PPM1H: variants seen among roughly 807,000 people sequenced by gnomAD.
PPM1H encodes the protein protein phosphatase, Mg2+/Mn2+ dependent 1H.
PPM1H carries 27 observed loss-of-function variants against 54.9 expected under a neutral mutation model. That is an observed-to-expected ratio of 0.49 (90% CI 0.36 to 0.68). The LOEUF (loss-of-function observed/expected upper bound fraction) is 0.68. Ranked by LOEUF, PPM1H falls within the 30% of genes least tolerant of loss-of-function variation. The pLI, the probability that PPM1H is intolerant of heterozygous loss-of-function variation, is 0.00. For synonymous variants in PPM1H, 305 were observed against 270.8 expected (o/e 1.13, Z -1.24); for missense variants, 596 against 667.8 (o/e 0.89, Z 1.19).
At chr12:62,723,086 G>A (rs149228973) in intron 5 of PPM1H, among the ~76,000 whole-genome samples, 132 of 152,252 alleles carry the variant, frequency 8.7e-4, no homozygotes, top group African/African-American at 3.0e-3. Flanking sequence ...CTACAGTTGG[G>A]CAAAATCATC....
chr12:62,809,860 T>TG (rs2120773413), intron 2 of PPM1H, among the ~76,000 whole-genome samples: 2 of 152,330 alleles, frequency 1.3e-5, no homozygotes, highest in African/African-American at 4.8e-5. Flanking sequence ...CAGTGACCTC[T>TG]GGAACTATGA....
At chr12:62,702,255 G>T (rs74519445) in intron 6 of PPM1H, among the ~76,000 whole-genome samples, 2 of 151,940 alleles carry the variant, frequency 1.3e-5, no homozygotes, top group African/African-American at 2.4e-5. Context: ...TGATTCTCTC[G>T]TCTATTCCTT....
intron 4 of PPM1H, among the ~76,000 whole-genome samples, chr12:62,746,309 G>A (rs1420230565): frequency 1.3e-5 from 2 of 152,208 alleles, no homozygotes; most frequent in Admixed American, 1.3e-4. Context: ...GAACTGACTT[G>A]AAACTATGCC....
At chr12:62,803,477 G>GA (rs1191078130) in intron 2 of PPM1H, among the ~76,000 whole-genome samples, 1 of 152,078 alleles carries the variant, frequency 6.6e-6, no homozygotes, top group African/African-American at 2.4e-5. Context: ...ATGGTATTAG[G>GA]AAAAGTGAAT....
intron 4 of PPM1H, among the ~76,000 whole-genome samples, chr12:62,760,693 A>G (rs1452283302): frequency 6.6e-6 from 1 of 152,222 alleles, no homozygotes; most frequent in African/African-American, 2.4e-5. Flanking sequence ...CACTAAATAT[A>G]TACAGGAATT....
Position 62,769,822 on chromosome 12 carries a change from AG to A in PPM1H, c.869+18403del, listed in dbSNP as rs531198759. Among the ~76,000 whole-genome samples the A allele has an allele frequency of 2.6e-3, 397 of 152,326 alleles. 3 individuals are homozygous for A. Among genetic ancestry groups the A allele is most frequent in the African/African-American group, 9.1e-3 (379 of 41,580 alleles). Reference sequence around the variant, plus strand: ...GTGCCTTTCTCCAAAGATGAATTTGAGGGCTTCAACATTTAAAGGCGAAAAG... The same window carrying A: ...GTGCCTTTCTCCAAAGATGAATTTGAGGCTTCAACATTTAAAGGCGAAAAG... On this transcript the variant is annotated intron_variant, in intron 4 of 9. Transcript: ENST00000228705.
chr12:62,702,123 T>C (rs532122600), intron 6 of PPM1H, among the ~76,000 whole-genome samples: 3 of 152,352 alleles, frequency 2.0e-5, no homozygotes, highest in Non-Finnish European at 2.9e-5. Context: ...CTAATATTCA[T>C]GGCTGGGTTC....
chr12:62,879,151 A>G (rs973455545), intron 1 of PPM1H, among the ~76,000 whole-genome samples: 5 of 152,184 alleles, frequency 3.3e-5, no homozygotes, highest in Admixed American at 1.3e-4. Context: ...GGTCCCAATG[A>G]GTCACCGTTT....
In PPM1H at chr12:62,800,958, T is replaced by C. The variant is rs924869209; in HGVS notation, c.756+858A>G. Among the ~76,000 whole-genome samples the C allele has an allele frequency of 2.6e-5, 4 of 152,312 alleles. No individual in the cohort carries two copies. The South Asian group carries it at 8.3e-4, about 32-fold the overall frequency. ...GATGATGAACTCCCGATCAGACCCA[T>C]TCAGATGGAAACGAACAGACAAATC... On this transcript the variant is annotated intron_variant, in intron 3 of 9. Coordinates refer to ENST00000228705, the MANE Select transcript of PPM1H (RefSeq NM_020700.2).
chr12:62,786,255 G>A (rs2076670750), intron 4 of PPM1H, among the ~76,000 whole-genome samples: 3 of 152,262 alleles, frequency 2.0e-5, no homozygotes, highest in Non-Finnish European at 2.9e-5. Flanking sequence ...GAGGCCAGGG[G>A]CTGGCCACTC....
At chr12:62,753,454 A>C (rs560553745) in intron 4 of PPM1H, among the ~76,000 whole-genome samples, 1 of 152,324 alleles carries the variant, frequency 6.6e-6, no homozygotes, top group South Asian at 2.1e-4. Context: ...CAATGCCCAA[A>C]TCTAACTAAG....
rs79936080 is a variant in PPM1H, at chr12:62,743,392, T to C, written c.870-5806A>G. 9.9e-3 allele frequency among the ~76,000 whole-genome samples: 1,511 copies of C among 152,132 alleles called. 19 individuals carry two copies. The highest frequency in any genetic ancestry group is 0.057 in the East Asian group (293 of 5,150). ...AACTCCCCCTGGTCCCTGCCCCAAA[T>C]ATTAGCTACATGAGAGGATAAAGGT... On this transcript the variant is annotated intron_variant, in intron 4 of 9. Coordinates refer to ENST00000228705, the MANE Select transcript of PPM1H (RefSeq NM_020700.2).
intron 3 of PPM1H, among the ~76,000 whole-genome samples, chr12:62,797,494 G>A (rs1404704476): frequency 1.3e-5 from 2 of 151,982 alleles, no homozygotes; most frequent in East Asian, 1.9e-4. Context: ...TGGCTACTGC[G>A]GTGAAAAAAA....
chr12:62,808,719 C>T (rs2076819425), intron 2 of PPM1H, among the ~76,000 whole-genome samples: 1 of 152,162 alleles, frequency 6.6e-6, no homozygotes, highest in Admixed American at 6.5e-5. Context: ...TAAATATCAT[C>T]TCCTTCCAGA....
chr12:62,756,063 C>G, intron 4 of PPM1H: 1 of 1,205,044 alleles, frequency 8.3e-7, no homozygotes, highest in Non-Finnish European at 1.2e-6. Context: ...CACTGAGCAC[C>G]AGGTTGTCTC....
intron 4 of PPM1H, among the ~76,000 whole-genome samples, chr12:62,763,326 T>C (rs2076521503): frequency 6.6e-6 from 1 of 152,282 alleles, no homozygotes; most frequent in African/African-American, 2.4e-5. Context: ...CTATAAACCA[T>C]GGCCATCAAC....
At chr12:62,840,051 CAGAGAGAGAGAGAGAG>C (rs202055824) in intron 1 of PPM1H, 3 of 130,400 alleles carry the variant, frequency 2.3e-5, no homozygotes, top group Non-Finnish European at 3.3e-5. Context: ...TCTAGAGAGA[CAGAGAGAGAGAGAGAG>C]AGAGAGAGAG....
chr12:62,688,328 A>C lies in PPM1H; in HGVS notation c.1245+1371T>G, dbSNP rs2136635936. On this transcript the variant is annotated intron_variant, in intron 8 of 9. Transcript: ENST00000228705. ...TGCAGAGACGCTACAGCCCTGACAC[A>C]ATGGAGGTGCTGAACCAACGCCAGC... Among the ~76,000 whole-genome samples, 4 of 152,236 alleles carry C rather than the reference A, an allele frequency of 2.6e-5. 2 individuals carry two copies. The highest frequency in any genetic ancestry group is 2.6e-4 in the Admixed American group (4 of 15,288).
chr12:62,925,037 G>A (rs144350099), intron 1 of PPM1H, among the ~76,000 whole-genome samples: 2 of 152,012 alleles, frequency 1.3e-5, no homozygotes, highest in East Asian at 1.9e-4. Flanking sequence ...AGCAAGATTC[G>A]ACTCTGTCTC....
Sources: allele counts gnomAD v4.1 joint callset (sites outside exome capture counted in the v4.1 genomes callset), GRCh38; gene constraint gnomAD v4.1.1; transcripts MANE v1.5; gene names NCBI Gene and HGNC (gene_info 2026-07-23, HGNC 2026-07-21).